Variants in SHCBP1 observed in about 807,000 individuals in gnomAD.
SHCBP1 encodes the protein SHC binding and spindle associated 1.
Under a neutral mutation model 75.1 loss-of-function variants are expected in SHCBP1, and 60 were observed. The ratio of observed to expected loss-of-function variants is 0.80; its 90% CI spans 0.65 to 0.99. SHCBP1 has a LOEUF of 0.99. SHCBP1 is among the 50% of genes least tolerant of loss of function. SHCBP1 has a pLI of 0.00. For missense variants in SHCBP1, 709 were observed against 809.4 expected (o/e 0.88, Z 1.50); for synonymous variants, 290 against 293.2 (o/e 0.99, Z 0.11).
intron 3 of SHCBP1, among the ~76,000 whole-genome samples, chr16:46,617,419 T>C (rs1472017434): frequency 1.3e-5 from 2 of 152,260 alleles, no homozygotes; most frequent in Non-Finnish European, 2.9e-5. Context: ...TACCTTCTTT[T>C]AATTAATTTG....
chr16:46,585,964 A>G (rs538331363), intron 10 of SHCBP1, among the ~76,000 whole-genome samples: 1 of 152,348 alleles, frequency 6.6e-6, no homozygotes, highest in African/African-American at 2.4e-5. Flanking sequence ...ACAAGATGAT[A>G]CCCATCTACC....
At chr16:46,608,436 C>T (rs768472675) in intron 4 of SHCBP1, 47 bp from the exon 5 acceptor site, 34 of 1,342,118 alleles carry the variant, frequency 2.5e-5, no homozygotes, top group Non-Finnish European at 3.4e-5. Context: ...TGGCTCAAAA[C>T]ATTAGGATTT....
intron 12 of SHCBP1, among the ~76,000 whole-genome samples, chr16:46,583,141 G>A (rs1182221816): frequency 6.6e-6 from 1 of 152,134 alleles, no homozygotes; most frequent in East Asian, 1.9e-4. Flanking sequence ...AACGCCAGTA[G>A]GAGCCACCAT....
At position 46,616,034 on chromosome 16, in the gene SHCBP1, C is replaced by G. The variant is rs928144028; in HGVS notation, c.508G>C (p.Glu170Gln). 8 of 1,614,228 alleles carry G rather than the reference C, an allele frequency of 5.0e-6. No individual in the cohort carries two copies. In the African/African-American group the frequency reaches 8.0e-5, roughly 16 times the overall value. Residue 170 changes from glutamate (E) to glutamine (Q), a missense_variant, in exon 4 of 13, where the codon GAG (glutamate) becomes CAG (glutamine). By Grantham distance (29) the Glu-to-Gln change is conservative. Transcript: ENST00000303383. This position sits in a 1 kb window ranked among gnomAD's most constrained non-coding sequence, Gnocchi z 4.4. ...AGCTCCTGCAGGGGCAACCGATGCT[C>G]CTTCAGATCAAGGAGCTCCTTCATG... ...ECMKELLDLK[E>Q]HRLPLQELWV...
chr16:46,593,112 A>T (rs1217648043), intron 10 of SHCBP1, among the ~76,000 whole-genome samples: 2 of 151,800 alleles, frequency 1.3e-5, no homozygotes, highest in Non-Finnish European at 2.9e-5. Context: ...TGGAAATTCT[A>T]GCCAGTGCAA....
At chr16:46,588,894 CTGA>C (rs1290857595) in intron 10 of SHCBP1, among the ~76,000 whole-genome samples, 2 of 152,152 alleles carry the variant, frequency 1.3e-5, no homozygotes, top group Non-Finnish European at 2.9e-5. Context: ...ACCAATATGC[CTGA>C]TGAACATCGA....
intron 10 of SHCBP1, among the ~76,000 whole-genome samples, chr16:46,589,300 CAT>C (rs1455201028): frequency 6.6e-6 from 1 of 152,142 alleles, no homozygotes; most frequent in Admixed American, 6.5e-5. Context: ...TCCTATTCAA[CAT>C]AGTGTTGGAA....
In SHCBP1 at chr16:46,608,280, C is replaced by T. The variant is rs568113957; in HGVS notation, c.689+17G>A. The T allele has an allele frequency of 3.2e-6, 5 of 1,580,606 alleles. No individual in the cohort carries two copies. The highest frequency in any genetic ancestry group is 2.7e-5 in the African/African-American group (2 of 74,302). ...ATTTTTCCAACATGTACAACAAGGT[C>T]AGCAATAAATACTTACAATCTTAAT... On this transcript the variant is annotated intron_variant, in intron 5 of 12. Transcript: ENST00000303383.
At chr16:46,620,641 G>A (rs962407597) in intron 1 of SHCBP1, 2 of 152,090 alleles carry the variant, frequency 1.3e-5, no homozygotes, top group African/African-American at 4.8e-5. Flanking sequence ...GGGACTCTCT[G>A]CTACACAATA....
At chr16:46,608,249 G>C (rs758507086) in intron 5 of SHCBP1, 48 bp downstream of exon 5, 2 of 1,343,766 alleles carry the variant, frequency 1.5e-6, no homozygotes, top group Non-Finnish European at 2.1e-6. Flanking sequence ...TAAACCATGG[G>C]TAACTATTTT....
At chr16:46,592,295 A>G (rs1261347573) in intron 10 of SHCBP1, among the ~76,000 whole-genome samples, 8 of 152,150 alleles carry the variant, frequency 5.3e-5, no homozygotes, top group Admixed American at 5.2e-4. Flanking sequence ...TGCAGATATC[A>G]GAAGAATAAG....
rs753109291 is a variant in SHCBP1 at position 46,604,250 on chromosome 16, G to A, written c.901C>T (p.Leu301Phe). 6 of 1,614,174 alleles carry A rather than the reference G, an allele frequency of 3.7e-6. No individual in the cohort carries two copies. The Admixed American group carries it at 1.0e-4, about 27-fold the overall frequency. Reference sequence around the variant, plus strand: ...TACCTCAACAAAGGATTCTCAATGAGTTTCAGCTTTTGTTTCAACTGTTCC... The same window carrying A: ...TACCTCAACAAAGGATTCTCAATGAATTTCAGCTTTTGTTTCAACTGTTCC... ...EMEQLKQKLK[L>F]IENPLLRYVF... is the part of the protein sequence containing the mutation. Residue 301 changes from leucine to phenylalanine, a missense_variant, in exon 6 of 13, where the codon CTC (leucine) becomes TTC (phenylalanine). Transcript: ENST00000303383.
At chr16:46,615,131 G>C (rs1441109060) in intron 4 of SHCBP1, among the ~76,000 whole-genome samples, 1 of 152,136 alleles carries the variant, frequency 6.6e-6, no homozygotes, top group Non-Finnish European at 1.5e-5. Context: ...TCCACTTAAT[G>C]AGTAGTAAAT....
intron 4 of SHCBP1, among the ~76,000 whole-genome samples, chr16:46,614,585 A>C (rs1965467353): frequency 6.6e-6 from 1 of 152,244 alleles, no homozygotes; most frequent in African/African-American, 2.4e-5. Context: ...TGCAGTGGAA[A>C]TAACTATGGC....
chr16:46,621,338 C>A lies in SHCBP1; in HGVS notation c.22G>T (p.Gly8Cys). Residue 8 changes from glycine (G) to cysteine (C), a missense_variant, in exon 1 of 13, where the codon GGC becomes TGC. By Grantham distance (159) the Gly-to-Cys change is radical. Coordinates refer to ENST00000303383, the MANE Select transcript of SHCBP1 (RefSeq NM_024745.5). ...ATGGCCGCTGCCTCCAGACCGCCGC[C>A]CGTCAGCGACCCGTCAGCCATTTCA... Reference protein sequence around the residue: MADGSLTGGGLEAAAMAP... With the variant: MADGSLTCGGLEAAAMAP... 6.2e-7 allele frequency: 1 copy of A among 1,611,380 alleles called. No homozygotes were observed. The highest frequency in any genetic ancestry group is 1.1e-5 in the South Asian group (1 of 90,992).
At chr16:46,590,783 G>A (rs979175624) in intron 10 of SHCBP1, among the ~76,000 whole-genome samples, 1 of 152,152 alleles carries the variant, frequency 6.6e-6, no homozygotes, top group African/African-American at 2.4e-5. Flanking sequence ...TCTAGAACTA[G>A]AAATACCATT....
At chr16:46,588,131 G>C (rs1276821945) in intron 10 of SHCBP1, among the ~76,000 whole-genome samples, 1 of 151,998 alleles carries the variant, frequency 6.6e-6, no homozygotes, top group East Asian at 1.9e-4. Flanking sequence ...CGAGAACAAA[G>C]ACACAACATA....
At chr16:46,608,182 A>T (rs1420591458) in intron 5 of SHCBP1, 115 bp downstream of exon 5, 4 of 641,034 alleles carry the variant, frequency 6.2e-6, no homozygotes, top group South Asian at 3.9e-5. Flanking sequence ...TCAGAGAGAG[A>T]GAGTGAGTGA....
At chr16:46,615,438 T>C (rs1210600913) in intron 4 of SHCBP1, among the ~76,000 whole-genome samples, 1 of 152,180 alleles carries the variant, frequency 6.6e-6, no homozygotes, top group Non-Finnish European at 1.5e-5. Flanking sequence ...TATCATAAAA[T>C]GATTTAAAAC....
Sources: gnomAD v4.1 joint callset for allele counts (sites outside exome capture counted in the v4.1 genomes callset) on GRCh38, gnomAD v4.1.1 for gene constraint, Gnocchi (gnomAD v3.1) non-coding constraint, MANE v1.5 for transcripts, NCBI Gene and HGNC (gene_info 2026-07-23, HGNC 2026-07-21) for gene names.